TRAF3: variants seen among roughly 807,000 people sequenced by gnomAD.
TRAF3 encodes TNF receptor-associated factor 3.
TRAF3 carries 13 observed loss-of-function variants against 62.3 expected under a neutral mutation model. That is an observed-to-expected ratio of 0.21 (90% confidence interval 0.14 to 0.33). The LOEUF (loss-of-function observed/expected upper bound fraction) is 0.33, where lower values mean the gene tolerates loss of function less well. Among genes scored for constraint, TRAF3 ranks in the 10% least tolerant of loss-of-function variants. TRAF3 has a pLI of 1.00. For missense variants in TRAF3, 440 were observed against 741.8 expected, an observed-to-expected ratio of 0.59 and a Z score of 4.73; for synonymous variants, 269 against 283.4, an observed-to-expected ratio of 0.95 and a Z score of 0.51.
intron 2 of TRAF3, among the ~76,000 whole-genome samples, chr14:102,869,439 T>C (rs141880257): frequency 6.8e-4 from 104 of 152,308 alleles, no homozygotes; most frequent in African/African-American, 2.4e-3. Context: ...GAATGATGCA[T>C]TGAATTCAAA....
intron 1 of TRAF3, among the ~76,000 whole-genome samples, chr14:102,818,168 C>T (rs1478909756): frequency 1.3e-5 from 2 of 152,206 alleles, no homozygotes; most frequent in Non-Finnish European, 2.9e-5. Context: ...TTTACAAATA[C>T]ACCATTTGTC....
chr14:102,807,821 G>A lies in TRAF3; in HGVS notation c.-156-22513G>A, dbSNP rs79007982. 4.3e-3 allele frequency among the ~76,000 whole-genome samples: 655 copies of A among 152,310 alleles called. 4 individuals are homozygous for A. Among genetic ancestry groups the A allele is most frequent in the African/African-American group, 0.015 (619 of 41,564 alleles). ...TTTTATGGCACACAGAAAGGTAGGC[G>A]CATAGTGATGTTGTTAGTAAGCTTT... On this transcript the variant is annotated intron_variant, in intron 1 of 11. Transcript: ENST00000392745.
Position 102,871,488 on chromosome 14 carries a change from G to A in TRAF3, c.246-429G>A, listed in dbSNP as rs542771119. Among the ~76,000 whole-genome samples, 4 of 152,340 alleles carry A rather than the reference G, an allele frequency of 2.6e-5. No individual in the cohort carries two copies. In the East Asian group the frequency reaches 7.7e-4, roughly 29 times the overall value. On this transcript the variant is annotated intron_variant, in intron 3 of 11. Coordinates refer to ENST00000392745, the MANE Select transcript of TRAF3 (RefSeq NM_145725.3). Reference sequence around the variant, plus strand: ...GGGAGGCTGGTCCCCCTGTGCAGGTGCCATTGGCCTTCCAATAGACAGTGA... The same window carrying A: ...GGGAGGCTGGTCCCCCTGTGCAGGTACCATTGGCCTTCCAATAGACAGTGA...
Position 102,908,239 on chromosome 14 carries a change from C to T in TRAF3, c.*2455C>T, listed in dbSNP as rs965785151. The T allele has an allele frequency of 3.9e-5, 6 of 152,316 alleles. No homozygotes were observed. The highest frequency in any genetic ancestry group is 1.2e-4 in the African/African-American group (5 of 41,476). 9.4% of individuals were successfully genotyped at this position (152,316 alleles called of 1,614,324 possible). ...CCATGGGGCCCACCTGAGGGTCCCA[C>T]AGACGTAACCTGAGTGACAGGAGTC... On this transcript the variant is annotated 3_prime_UTR_variant, in exon 12 of 12. Coordinates refer to ENST00000392745, the MANE Select transcript of TRAF3 (RefSeq NM_145725.3).
intron 1 of TRAF3, among the ~76,000 whole-genome samples, chr14:102,792,273 G>A (rs184941423): frequency 1.3e-5 from 2 of 151,436 alleles, no homozygotes; most frequent in African/African-American, 4.9e-5. Flanking sequence ...TACTATAGGT[G>A]CAAGCTGCCA....
chr14:102,904,065 G>A (rs1443545944), intron 11 of TRAF3, among the ~76,000 whole-genome samples: 2 of 152,202 alleles, frequency 1.3e-5, no homozygotes, highest in African/African-American at 4.8e-5. Context: ...GGAGGAGTGG[G>A]GAGAGCACAG....
intron 1 of TRAF3, among the ~76,000 whole-genome samples, chr14:102,802,661 T>C (rs1046558270): frequency 6.6e-6 from 1 of 151,436 alleles, no homozygotes; most frequent in African/African-American, 2.4e-5. Flanking sequence ...ACTCCATCTC[T>C]ACTAAAAATA....
chr14:102,874,230 C>T (rs745499675), intron 4 of TRAF3, among the ~76,000 whole-genome samples: 5 of 152,004 alleles, frequency 3.3e-5, no homozygotes, highest in South Asian at 2.1e-4. Context: ...TGCACCAGTG[C>T]GCTCCAGCCT....
chr14:102,832,235 A>G (rs948935423), intron 2 of TRAF3, among the ~76,000 whole-genome samples: 2 of 152,210 alleles, frequency 1.3e-5, no homozygotes. Flanking sequence ...TGTGGTGAGA[A>G]CACTTTACAT....
At chr14:102,809,929 T>C (rs1899022917) in intron 1 of TRAF3, among the ~76,000 whole-genome samples, 1 of 152,162 alleles carries the variant, frequency 6.6e-6, no homozygotes, top group Admixed American at 6.5e-5. Context: ...GTTAAACTGA[T>C]GAAACATACT....
intron 1 of TRAF3, among the ~76,000 whole-genome samples, chr14:102,796,594 T>C (rs1898102927): frequency 6.6e-6 from 1 of 152,208 alleles, no homozygotes; most frequent in Non-Finnish European, 1.5e-5. Flanking sequence ...GCAATTCTTC[T>C]GCATTGGCGA....
intron 10 of TRAF3, among the ~76,000 whole-genome samples, chr14:102,901,286 G>C (rs1890285793): frequency 6.6e-6 from 1 of 152,194 alleles, no homozygotes; most frequent in Non-Finnish European, 1.5e-5. Flanking sequence ...TCGGGGGCCT[G>C]AGGCTCAGCG....
At chr14:102,836,812 A>G (rs1268901719) in intron 2 of TRAF3, among the ~76,000 whole-genome samples, 2 of 152,226 alleles carry the variant, frequency 1.3e-5, no homozygotes, top group African/African-American at 4.8e-5. Context: ...TGTTTTAGGA[A>G]TGAAGTAAGT....
intron 2 of TRAF3, among the ~76,000 whole-genome samples, chr14:102,831,653 A>G (rs1900695589): frequency 6.6e-6 from 1 of 152,116 alleles, no homozygotes; most frequent in Non-Finnish European, 1.5e-5. Flanking sequence ...TCTGTCTCCC[A>G]GCCCCAGCCA....
At chr14:102,872,269 C>T (rs923216842) in intron 4 of TRAF3, among the ~76,000 whole-genome samples, 1 of 152,196 alleles carries the variant, frequency 6.6e-6, no homozygotes, top group Non-Finnish European at 1.5e-5. Context: ...TTGATGTGAG[C>T]AAAGTGCTGA....
rs1337470090 is a variant in TRAF3, at chr14:102,826,685, GTTTA to G, written c.-156-3646_-156-3643del. 6.6e-6 allele frequency among the ~76,000 whole-genome samples: 1 copy of G among 152,168 alleles called. No individual in the cohort carries two copies. Among genetic ancestry groups the G allele is most frequent in the East Asian group, 1.9e-4 (1 of 5,180 alleles). On this transcript the variant is annotated intron_variant, in intron 1 of 11. Transcript: ENST00000392745. The surrounding 1 kb of genome is among the most constrained non-coding windows in gnomAD (Gnocchi z 4.6). ...GAGTGACCAGTAGATTCTTTAATTT[GTTTA>G]TTCATTCGTGCAGTCCTTCACCTCA...
At chr14:102,891,210 G>T in intron 8 of TRAF3, 115 bp from the exon 9 acceptor site, 1 of 971,984 alleles carries the variant, frequency 1.0e-6, no homozygotes, top group Non-Finnish European at 1.6e-6. Flanking sequence ...TTCACTTGAC[G>T]CAAATAGGTC....
intron 2 of TRAF3, among the ~76,000 whole-genome samples, chr14:102,859,484 T>A (rs2139773076): frequency 6.6e-6 from 1 of 152,350 alleles, no homozygotes. Flanking sequence ...TTACCTAGAA[T>A]CTAATGGCTG....
Position 102,903,534 on chromosome 14 carries a change from G to C in TRAF3, c.1135+105G>C. 2 of 1,518,742 alleles carry C rather than the reference G, an allele frequency of 1.3e-6. No individual in the cohort carries two copies. Among genetic ancestry groups the C allele is most frequent in the South Asian group, 2.3e-5 (2 of 86,216 alleles). 94.1% of individuals were successfully genotyped at this position (1,518,742 alleles called of 1,614,324 possible). A position where few individuals can be genotyped will look rare whatever the true frequency, so the allele number is the denominator to read the frequency against. On this transcript the variant is annotated intron_variant, in intron 11 of 11. Transcript: ENST00000392745. The surrounding 1 kb of genome is among the most constrained non-coding windows in gnomAD (Gnocchi z 6.4). ...GGCTATGTTAGGTACATGTGCCTTA[G>C]GACAGTTTTTTCTAATTATGGGTAA...
Sources: gnomAD v4.1 joint callset for allele counts (sites outside exome capture counted in the v4.1 genomes callset) on GRCh38, gnomAD v4.1.1 for gene constraint, Gnocchi (gnomAD v3.1) non-coding constraint, MANE v1.5 for transcripts, NCBI Gene and HGNC (gene_info 2026-07-23, HGNC 2026-07-21) for gene names.